AFF2: variants seen among roughly 807,000 people sequenced by gnomAD.
AFF2 encodes the protein AF4/FMR2 family member 2.
Under a neutral mutation model 76.9 loss-of-function variants are expected in AFF2, and 14 were observed. The ratio of observed to expected loss-of-function variants is 0.18; its 90% CI spans 0.12 to 0.28. The LOEUF is 0.28. AFF2 is among the 10% of genes least tolerant of loss of function. AFF2 has a pLI of 1.00. For missense variants in AFF2, 868 were observed against 1,001.1 expected (o/e 0.87, Z 1.79); for synonymous variants, 398 against 366.7 (o/e 1.09, Z -0.98).
chrX:148,617,018 A>G (rs1279215802), intron 1 of AFF2, among the ~76,000 whole-genome samples: 1 of 111,756 alleles, frequency 8.9e-6, no homozygotes, highest in African/African-American at 3.3e-5. Context: ...ATTGTGAATA[A>G]TGCCACAATA....
chrX:148,719,365 A>C, intron 3 of AFF2: 1 of 430,439 alleles, frequency 2.3e-6, no homozygotes, highest in South Asian at 5.4e-5. Context: ...CAAAGCACTG[A>C]TTTAAATACA....
At chrX:148,580,326 C>T (rs1351384970) in intron 1 of AFF2, among the ~76,000 whole-genome samples, 1 of 111,173 alleles carries the variant, frequency 9.0e-6, no homozygotes, top group Non-Finnish European at 1.9e-5. Context: ...TTGGAACCAG[C>T]CCATCCACCT....
At chrX:148,830,432 A>G (rs1226644386) in intron 4 of AFF2, among the ~76,000 whole-genome samples, 1 of 111,810 alleles carries the variant, frequency 8.9e-6, no homozygotes, top group Non-Finnish European at 1.9e-5. Flanking sequence ...GGGCCCATCT[A>G]TTGGGGGAAC....
intron 1 of AFF2, among the ~76,000 whole-genome samples, chrX:148,527,074 G>A (rs1485508449): frequency 1.8e-5 from 2 of 112,115 alleles, no homozygotes; most frequent in Non-Finnish European, 3.8e-5. Flanking sequence ...AGGGGAAGAA[G>A]TAGCAAATTG....
At chrX:148,978,963 A>AAGCCAT (rs2072359951) in intron 18 of AFF2, among the ~76,000 whole-genome samples, 1 of 112,139 alleles carries the variant, frequency 8.9e-6, no homozygotes, top group Admixed American at 9.5e-5. Context: ...CAAACAAACA[A>AAGCCAT]AGCCATATCG....
intron 7 of AFF2, among the ~76,000 whole-genome samples, chrX:148,858,473 A>G (rs904383946): frequency 1.8e-5 from 2 of 111,770 alleles, no homozygotes; most frequent in Non-Finnish European, 3.8e-5. Context: ...TCTAAATAGT[A>G]AGCTCATCTC....
intron 9 of AFF2, among the ~76,000 whole-genome samples, chrX:148,912,768 C>T (rs2071485257): frequency 8.9e-6 from 1 of 111,926 alleles, no homozygotes; most frequent in South Asian, 3.8e-4. Context: ...TGCCCTGAGA[C>T]ACAGTCCTCA....
At chrX:148,910,069 C>CAG (rs201998867) in intron 9 of AFF2, among the ~76,000 whole-genome samples, 9 of 110,493 alleles carry the variant, frequency 8.1e-5, no homozygotes, top group Admixed American at 1.9e-4. Flanking sequence ...GAGAAAGAAA[C>CAG]AGAGAGAGAG....
intron 9 of AFF2, among the ~76,000 whole-genome samples, chrX:148,952,345 G>A (rs1442794524): frequency 5.4e-5 from 6 of 111,802 alleles, no homozygotes; most frequent in Non-Finnish European, 7.5e-5. Context: ...TCTCTTGACT[G>A]AGCTGCTGCT....
At chrX:148,908,223 C>A (rs2071430918) in intron 9 of AFF2, among the ~76,000 whole-genome samples, 1 of 111,240 alleles carries the variant, frequency 9.0e-6, no homozygotes, top group African/African-American at 3.3e-5. Context: ...CGACATACAT[C>A]CTCCTCAGCT....
chrX:148,563,801 G>A (rs1056101253), intron 1 of AFF2, among the ~76,000 whole-genome samples: 13 of 111,599 alleles, frequency 1.2e-4, no homozygotes, highest in Non-Finnish European at 2.4e-4. Flanking sequence ...TTTTCAGCCT[G>A]GGTTATCTTC....
intron 13 of AFF2, among the ~76,000 whole-genome samples, chrX:148,965,384 AT>A (rs2072159725): frequency 8.9e-6 from 1 of 112,122 alleles, no homozygotes; most frequent in Non-Finnish European, 1.9e-5. Context: ...GAGCATTATC[AT>A]TTTTCAAAAT....
At chrX:148,663,631 C>T (rs1479318246) in intron 3 of AFF2, among the ~76,000 whole-genome samples, 3 of 112,243 alleles carry the variant, frequency 2.7e-5, no homozygotes, top group Non-Finnish European at 1.9e-5. Flanking sequence ...GCACCTCAAG[C>T]GTTTGATTGG....
chrX:148,893,031 A>G (rs1338641527), intron 8 of AFF2, among the ~76,000 whole-genome samples: 3 of 112,031 alleles, frequency 2.7e-5, no homozygotes, highest in African/African-American at 6.5e-5. Context: ...TTTATCTGTC[A>G]TTGCCTTTCA....
chrX:148,672,527 T>C (rs2054436214), intron 3 of AFF2, among the ~76,000 whole-genome samples: 1 of 111,926 alleles, frequency 8.9e-6, no homozygotes, highest in Admixed American at 9.5e-5. Flanking sequence ...ATGTATGGGT[T>C]AATTTTCTAA....
intron 1 of AFF2, among the ~76,000 whole-genome samples, chrX:148,587,910 G>A (rs782317172): frequency 1.8e-5 from 2 of 112,603 alleles, no homozygotes; most frequent in African/African-American, 6.4e-5. Context: ...CTGTTTGCCC[G>A]TAGTAGATGT....
chrX:148,544,902 T>C (rs782360233), intron 1 of AFF2, among the ~76,000 whole-genome samples: 17 of 112,111 alleles, frequency 1.5e-4, no homozygotes, highest in African/African-American at 5.2e-4. Context: ...TTAGCATCCA[T>C]TGATGAAAGT....
At chrX:148,604,072 C>G (rs1557248466) in intron 1 of AFF2, among the ~76,000 whole-genome samples, 2 of 111,374 alleles carry the variant, frequency 1.8e-5, no homozygotes, top group African/African-American at 6.5e-5. Context: ...ATTTTCATAT[C>G]TTCAAATGCT....
chrX:148,792,693 G>A (rs2069914092), intron 3 of AFF2, among the ~76,000 whole-genome samples: 1 of 112,272 alleles, frequency 8.9e-6, no homozygotes, highest in South Asian at 3.7e-4. Context: ...GATGGACTAA[G>A]CCTGAAGGTT....
Sources: allele counts gnomAD v4.1 joint callset (sites outside exome capture counted in the v4.1 genomes callset), GRCh38; gene constraint gnomAD v4.1.1; transcripts MANE v1.5; gene names NCBI Gene and HGNC (gene_info 2026-07-23, HGNC 2026-07-21).